The following MDN1 variants were observed in gnomAD, a reference collection of about 807,000 sequenced individuals.
MDN1 encodes the protein midasin AAA ATPase 1.
MDN1 carries 266 observed loss-of-function variants against 669.2 expected under a neutral mutation model. That is an observed-to-expected ratio of 0.40 (90% CI 0.36 to 0.44). The LOEUF (loss-of-function observed/expected upper bound fraction) is 0.44. Among genes scored for constraint, MDN1 ranks in the 20% least tolerant of loss-of-function variants. The pLI, the probability that MDN1 is intolerant of heterozygous loss-of-function variation, is 1.00. For missense variants in MDN1, 5,940 were observed against 6,754.0 expected (o/e 0.88, Z 4.22); for synonymous variants, 2,385 against 2,457.1 (o/e 0.97, Z 0.87).
At chr6:89,671,418 T>TAAGCA (rs1810751927) in intron 82 of MDN1, among the ~76,000 whole-genome samples, 1 of 152,196 alleles carries the variant, frequency 6.6e-6, no homozygotes, top group South Asian at 2.1e-4. Flanking sequence ...GTAGACTGCT[T>TAAGCA]GAGCCCAGGA....
intron 30 of MDN1, 122 bp downstream of exon 30, chr6:89,743,454 G>A: frequency 7.4e-7 from 1 of 1,356,718 alleles, no homozygotes; most frequent in Non-Finnish European, 1.0e-6. Context: ...GTAGACCAGA[G>A]AAAATCTGCA....
At chr6:89,708,413 A>T (rs1037658489) in intron 51 of MDN1, 83 bp downstream of exon 51, 6 of 1,516,774 alleles carry the variant, frequency 4.0e-6, no homozygotes, top group African/African-American at 1.4e-5. Context: ...AACACACATA[A>T]GCTATTTGAC....
intron 16 of MDN1, 57 bp downstream of exon 16, chr6:89,762,262 G>A: frequency 7.0e-7 from 1 of 1,419,490 alleles, no homozygotes; most frequent in Non-Finnish European, 9.7e-7. Context: ...AAACTAATAT[G>A]TTAACTAAAG....
At chr6:89,797,022 A>G (rs574783189) in intron 2 of MDN1, among the ~76,000 whole-genome samples, 5 of 151,904 alleles carry the variant, frequency 3.3e-5, no homozygotes, top group African/African-American at 1.2e-4. Context: ...GAGCCAAGAC[A>G]GCACCATTGC....
Position 89,710,778 on chromosome 6 carries a change from A to G in MDN1, c.7668T>C (p.His2556=). The change falls in exon 50 of 102, where the codon CAT becomes CAC. Residue 2556 remains histidine, a synonymous_variant. Transcript: ENST00000369393. ...IPQGLESIQI[H]LEASAASLRN... is the part of the protein sequence containing the mutation. ...TGAGAGATGCAGCACTGGCTTCCAA[A>G]TGAATTTGTATGGACTCTGTGGAGG... is the stretch of plus-strand genomic sequence containing the variant. 1 of 1,598,236 alleles carries G rather than the reference A, an allele frequency of 6.3e-7. No individual in the cohort carries two copies. Among genetic ancestry groups the G allele is most frequent in the South Asian group, 1.1e-5 (1 of 88,784 alleles).
intron 1 of MDN1, chr6:89,815,054 A>G: frequency 4.1e-6 from 2 of 487,242 alleles, no homozygotes; most frequent in South Asian, 1.8e-5. Flanking sequence ...GGGGTACAAA[A>G]GGGAGAGCAG....
chr6:89,790,494 C>G, intron 5 of MDN1, 93 bp from the exon 6 acceptor site: 3 of 1,475,934 alleles, frequency 2.0e-6, no homozygotes, highest in Non-Finnish European at 2.8e-6. Flanking sequence ...TAACCTTACA[C>G]AAACCTCTGT....
In MDN1 at chr6:89,752,064, C is replaced by G. The variant is rs188777178; in HGVS notation, c.3076-482G>C. On this transcript the variant is annotated intron_variant, in intron 22 of 101. Transcript: ENST00000369393. ...TATTGTGGATGATGGCATCACTTTG[C>G]TGAGATATGGTTTAAGTTATTAGTT... 2.6e-3 allele frequency among the ~76,000 whole-genome samples: 390 copies of G among 152,272 alleles called. 2 individuals carry two copies. The highest frequency in any genetic ancestry group is 6.3e-4 in the Non-Finnish European group (43 of 68,030).
chr6:89,661,622 T>C (rs1809771916), intron 87 of MDN1, 44 bp from the exon 88 acceptor site: 7 of 1,540,526 alleles, frequency 4.5e-6, no homozygotes, highest in Admixed American at 2.1e-5. Flanking sequence ...AAAATACAAA[T>C]ATTTTTTTAA....
At position 89,643,100 on chromosome 6, in the gene MDN1, C is replaced by T. The variant is rs762071199; in HGVS notation, c.*905G>A. 1.3e-5 allele frequency: 2 copies of T among 152,132 alleles called. No homozygotes were observed. Among genetic ancestry groups the T allele is most frequent in the Non-Finnish European group, 2.9e-5 (2 of 68,034 alleles). 9.4% of individuals were successfully genotyped at this position (152,132 alleles called of 1,614,324 possible). ...AAACTGCCTAAAGATCAGTTTCTTT[C>T]GACTGGAAAAAATAGATGGAGCTGC... On this transcript the variant is annotated 3_prime_UTR_variant, in exon 102 of 102. Transcript: ENST00000369393.
rs1290788664 is a variant in MDN1, at chr6:89,713,526, G to A, written c.7070-230C>T. ...TCTATGGCTGTCTGTAGTTTATTAT[G>A]GGGGACTCATTTATAGATGTGATAA... On this transcript the variant is annotated intron_variant, in intron 46 of 101. Coordinates refer to ENST00000369393, the MANE Select transcript of MDN1 (RefSeq NM_014611.3). 2.6e-5 allele frequency among the ~76,000 whole-genome samples: 4 copies of A among 152,160 alleles called. No homozygotes were observed. The East Asian group carries it at 7.7e-4, about 29-fold the overall frequency.
At chr6:89,702,415 G>T (rs185361419) in intron 53 of MDN1, among the ~76,000 whole-genome samples, 5 of 152,356 alleles carry the variant, frequency 3.3e-5, no homozygotes, top group Non-Finnish European at 1.5e-5. Context: ...CAGAAGTGTA[G>T]AAGAGTTTCA....
rs761395368 is a variant in MDN1 at position 89,683,228 on chromosome 6, G to A, written c.12006C>T (p.Pro4002=). 3.7e-6 allele frequency: 6 copies of A among 1,614,156 alleles called. No homozygotes were observed. The East Asian group carries it at 8.9e-5, about 24-fold the overall frequency. Residue 4002 remains proline (P), a synonymous_variant, in exon 73 of 102, where the codon CCC becomes CCT. Transcript: ENST00000369393. ...SDKEEQPDFL[P]RPTDGAASEL... ...CACTTGCAGCTCCATCTGTTGGCCT[G>A]GGCAAAAAGTCAGGCTGTTCTTCCT...
chr6:89,706,099 T>G lies in MDN1; in HGVS notation c.8108A>C (p.Gln2703Pro), dbSNP rs796932395. 3.7e-6 allele frequency: 6 copies of G among 1,611,980 alleles called. No individual in the cohort carries two copies. In the Admixed American group the frequency reaches 8.3e-5, roughly 22 times the overall value. ...ATCAGACACCATTCCCTGGGAGGACTGTACCCAGAGCAGGACTAGTGCATC... is the reference window on the plus strand; with the variant it reads ...ATCAGACACCATTCCCTGGGAGGACGGTACCCAGAGCAGGACTAGTGCATC... ...LCDALVLLWV[Q>P]SSQGMVSDAS... The change falls in exon 53 of 102, where the codon CAG becomes CCG. Residue 2703 changes from glutamine to proline, a missense_variant. By Grantham distance (76) the Gln-to-Pro change is moderately conservative. Around this residue, in one of 5 missense-constraint regions of MDN1, gnomAD observed 2,292 missense variants for 2,638.3 expected, o/e 0.87. Coordinates refer to ENST00000369393, the MANE Select transcript of MDN1 (RefSeq NM_014611.3).
At position 89,745,567 on chromosome 6, in the gene MDN1, C is replaced by G. The variant is rs764734386; in HGVS notation, c.3964G>C (p.Val1322Leu). 22 of 1,614,022 alleles carry G rather than the reference C, an allele frequency of 1.4e-5. No homozygotes were observed. The highest frequency in any genetic ancestry group is 1.6e-5 in the Non-Finnish European group (19 of 1,180,014). The change falls in exon 28 of 102, where the codon GTC (valine) becomes CTC (leucine). Residue 1322 changes from valine (V) to leucine (L), a missense_variant. By Grantham distance (32) the Val-to-Leu change is conservative. Coordinates refer to ENST00000369393, the MANE Select transcript of MDN1 (RefSeq NM_014611.3). ...KQEEIDVIQEVLEKHFKKKLC... is the reference protein window; with the variant it reads ...KQEEIDVIQELLEKHFKKKLC... The stretch of plus-strand genomic sequence containing the variant: ...TTTTTCTTGAAATGTTTCTCAAGGA[C>G]TTCTTGAATCACATCAATTTCCTCC...
chr6:89,753,054 G>A (rs977028143), intron 22 of MDN1, among the ~76,000 whole-genome samples: 1 of 151,886 alleles, frequency 6.6e-6, no homozygotes, highest in Non-Finnish European at 1.5e-5. Context: ...GCCACGGAAG[G>A]GGAGAATGCC....
intron 82 of MDN1, among the ~76,000 whole-genome samples, chr6:89,671,498 CA>C (rs1810757049): frequency 6.6e-6 from 1 of 151,920 alleles, no homozygotes; most frequent in Non-Finnish European, 1.5e-5. Context: ...ACAAAAAAAA[CA>C]TATAGCCAGA....
At chr6:89,722,609 G>A (rs1322053177) in intron 40 of MDN1, among the ~76,000 whole-genome samples, 6 of 152,118 alleles carry the variant, frequency 3.9e-5, no homozygotes, top group South Asian at 2.1e-4. Flanking sequence ...AGCACTTTGG[G>A]AGGCTGAGAC....
chr6:89,761,449 TTTTAAAATTTTTA>T (rs1232900229), intron 17 of MDN1, among the ~76,000 whole-genome samples, 183 bp downstream of exon 17: 1 of 152,190 alleles, frequency 6.6e-6, no homozygotes, highest in Non-Finnish European at 1.5e-5. Flanking sequence ...CAATTTGTAC[TTTTAAAATTTTTA>T]TTTAAATAAT....
Sources: gnomAD v4.1 joint callset for allele counts (sites outside exome capture counted in the v4.1 genomes callset) on GRCh38, gnomAD v4.1.1 for gene constraint, gnomAD v4.1.1 regional missense constraint, MANE v1.5 for transcripts, NCBI Gene and HGNC (gene_info 2026-07-23, HGNC 2026-07-21) for gene names.